Variants in TMPRSS11D observed in about 807,000 individuals in gnomAD.
The protein encoded by TMPRSS11D is transmembrane protease serine 11D.
In TMPRSS11D, 32 loss-of-function variants were observed where a neutral mutation model predicts 44.4. The ratio of observed to expected loss-of-function variants is 0.72; its 90% CI spans 0.54 to 0.97. The LOEUF (loss-of-function observed/expected upper bound fraction) is 0.97, where lower values mean the gene tolerates loss of function less well. Among genes scored for constraint, TMPRSS11D ranks in the 50% least tolerant of loss-of-function variants. TMPRSS11D has a pLI of 0.00. For synonymous variants in TMPRSS11D, 179 were observed against 177.9 expected (o/e 1.01, Z -0.05); for missense variants, 446 against 502.6 (o/e 0.89, Z 1.08).
intron 1 of TMPRSS11D, among the ~76,000 whole-genome samples, chr4:67,867,545 C>G (rs1718956413): frequency 6.6e-6 from 1 of 152,048 alleles, no homozygotes; most frequent in Admixed American, 6.5e-5. Flanking sequence ...AACAGACAAC[C>G]TGAAAATGGG....
chr4:67,879,912 C>G (rs79514801), intron 1 of TMPRSS11D, among the ~76,000 whole-genome samples: 1,574 of 152,108 alleles, frequency 0.01, 27 homozygotes, highest in African/African-American at 0.035. Flanking sequence ...CTAGAAAAGT[C>G]GATATTTAAG....
chr4:67,845,124 T>C (rs10518045), intron 3 of TMPRSS11D, among the ~76,000 whole-genome samples: 5,732 of 152,268 alleles, frequency 0.038, 118 homozygotes, highest in Middle Eastern at 0.058. Flanking sequence ...ATTTCTGTTA[T>C]GTGGACAACA....
chr4:67,874,877 T>C (rs1176831602), intron 1 of TMPRSS11D, among the ~76,000 whole-genome samples: 1 of 152,190 alleles, frequency 6.6e-6, no homozygotes, highest in Admixed American at 6.5e-5. Flanking sequence ...GTTCATTCTA[T>C]TTAACTATAT....
At chr4:67,869,630 G>A (rs572644873) in intron 1 of TMPRSS11D, among the ~76,000 whole-genome samples, 102 of 152,248 alleles carry the variant, frequency 6.7e-4, no homozygotes, top group African/African-American at 2.3e-3. Context: ...AAATAGAAAA[G>A]AAGGAAATAT....
chr4:67,824,597 C>G (rs1717745759), intron 9 of TMPRSS11D, among the ~76,000 whole-genome samples: 1 of 152,080 alleles, frequency 6.6e-6, no homozygotes, highest in Non-Finnish European at 1.5e-5. Flanking sequence ...AAAAACAAAT[C>G]TCCACCTACA....
In TMPRSS11D at chr4:67,879,618, G is replaced by A. The variant is rs907492678; in HGVS notation, c.8+4308C>T. 9.9e-5 allele frequency among the ~76,000 whole-genome samples: 15 copies of A among 152,064 alleles called. 1 individual carries two copies. Among genetic ancestry groups the A allele is most frequent in the African/African-American group, 2.7e-4 (11 of 41,400 alleles). ...GTTTTGGAAGCTTTGTGAAGATCAC[G>A]TTTCAAGAAAAGAATGGTCTCTGGT... On this transcript the variant is annotated intron_variant, in intron 1 of 9. Coordinates refer to ENST00000283916, the MANE Select transcript of TMPRSS11D (RefSeq NM_004262.3).
chr4:67,837,826 T>G (rs1718132678), intron 5 of TMPRSS11D, among the ~76,000 whole-genome samples: 1 of 152,058 alleles, frequency 6.6e-6, no homozygotes, highest in Non-Finnish European at 1.5e-5. Context: ...GCCTCTGAGG[T>G]GGATCATTAA....
intron 1 of TMPRSS11D, among the ~76,000 whole-genome samples, chr4:67,870,722 G>C (rs1719037412): frequency 7.8e-6 from 1 of 128,288 alleles, no homozygotes. Flanking sequence ...GCTGAGGCAG[G>C]AGACTGGCGT....
chr4:67,854,274 T>C lies in TMPRSS11D; in HGVS notation c.131-88A>G, dbSNP rs146997069. The C allele has an allele frequency of 1.0e-3, 670 of 658,716 alleles. 6 individuals carry two copies. In the African/African-American group the frequency reaches 0.012, roughly 12 times the overall value. 40.8% of individuals were successfully genotyped at this position (658,716 alleles called of 1,614,324 possible). On this transcript the variant is annotated intron_variant, in intron 2 of 9. Transcript: ENST00000283916. ...TTCAGGATTATGGGAGGTTATATTATAGAATTTCAAAAATTTGCTTTCCTT... is the reference window on the plus strand; with the variant it reads ...TTCAGGATTATGGGAGGTTATATTACAGAATTTCAAAAATTTGCTTTCCTT...
At chr4:67,857,513 T>C (rs1202739082) in intron 2 of TMPRSS11D, among the ~76,000 whole-genome samples, 1 of 151,748 alleles carries the variant, frequency 6.6e-6, no homozygotes, top group African/African-American at 2.4e-5. Context: ...ATCCCAGTAC[T>C]TGGGGAGGCA....
At chr4:67,851,716 C>G (rs1158635578) in intron 3 of TMPRSS11D, among the ~76,000 whole-genome samples, 2 of 143,096 alleles carry the variant, frequency 1.4e-5, no homozygotes, top group Non-Finnish European at 3.1e-5. Context: ...CCTGAACAAC[C>G]TGCTTTCATT....
chr4:67,829,719 G>A (rs1717898870), intron 7 of TMPRSS11D, among the ~76,000 whole-genome samples: 2 of 151,952 alleles, frequency 1.3e-5, no homozygotes, highest in Admixed American at 6.6e-5. Flanking sequence ...GAATATTAGT[G>A]GCAGTTCATG....
chr4:67,831,158 A>C (rs551842272), intron 7 of TMPRSS11D, among the ~76,000 whole-genome samples: 2 of 152,268 alleles, frequency 1.3e-5, no homozygotes, highest in South Asian at 4.1e-4. Context: ...AATCATGAGG[A>C]CAACTGTTAA....
chr4:67,870,585 C>A (rs1256670295), intron 1 of TMPRSS11D, among the ~76,000 whole-genome samples: 1 of 152,024 alleles, frequency 6.6e-6, no homozygotes, highest in Non-Finnish European at 1.5e-5. Context: ...GAGGCTGAGG[C>A]GGGCGGATCA....
chr4:67,830,873 T>C (rs1403302136), intron 7 of TMPRSS11D, among the ~76,000 whole-genome samples: 1 of 152,146 alleles, frequency 6.6e-6, no homozygotes, highest in African/African-American at 2.4e-5. Context: ...TTTATTTACA[T>C]ATAAAATGTG....
chr4:67,826,694 C>A (rs571042376), intron 8 of TMPRSS11D, among the ~76,000 whole-genome samples: 1 of 148,932 alleles, frequency 6.7e-6, no homozygotes, highest in South Asian at 2.1e-4. Flanking sequence ...GCCAACAAGG[C>A]AGGAGGATGG....
At chr4:67,879,633 T>C (rs1334071629) in intron 1 of TMPRSS11D, among the ~76,000 whole-genome samples, 1 of 152,068 alleles carries the variant, frequency 6.6e-6, no homozygotes, top group Non-Finnish European at 1.5e-5. Flanking sequence ...AAGAAAAGAA[T>C]GGTCTCTGGT....
intron 9 of TMPRSS11D, among the ~76,000 whole-genome samples, chr4:67,824,203 A>G (rs4572921): frequency 0.81 from 121,488 of 150,236 alleles, 49,778 homozygotes; most frequent in Middle Eastern, 0.91. Context: ...AGTGAGGCCT[A>G]GAGTGGAATA....
chr4:67,854,067 C>A lies in TMPRSS11D; in HGVS notation c.249+1G>T. On this transcript the variant is annotated splice_donor_variant, in intron 3 of 9. Coordinates refer to ENST00000283916, the MANE Select transcript of TMPRSS11D (RefSeq NM_004262.3). LOFTEE classifies it high-confidence loss of function. ...AAGAGCAAAGACAAATATTAACTTA[C>A]CAGAGATTCAATTCTTCCACTCAAA... is the stretch of plus-strand genomic sequence containing the variant. The A allele has an allele frequency of 6.8e-7, 1 of 1,473,800 alleles. No homozygotes were observed. Among genetic ancestry groups the A allele is most frequent in the Non-Finnish European group, 9.3e-7 (1 of 1,081,020 alleles). 91.3% of individuals were successfully genotyped at this position (1,473,800 alleles called of 1,614,324 possible). A position where few individuals can be genotyped will look rare whatever the true frequency, so the allele number is the denominator to read the frequency against.
Sources: allele counts gnomAD v4.1 joint callset (sites outside exome capture counted in the v4.1 genomes callset), GRCh38; gene constraint gnomAD v4.1.1; transcripts MANE v1.5; gene names NCBI Gene and HGNC (gene_info 2026-07-23, HGNC 2026-07-21).